The following FOXN3 variants were observed in gnomAD, a reference collection of about 807,000 sequenced individuals.
The protein encoded by FOXN3 is forkhead box N3.
Under a neutral mutation model 38.4 loss-of-function variants are expected in FOXN3, and 7 were observed. The ratio of observed to expected loss-of-function variants is 0.18; its 90% confidence interval spans 0.10 to 0.34. The LOEUF (loss-of-function observed/expected upper bound fraction) is 0.34, where lower values mean the gene tolerates loss of function less well. Ranked by LOEUF, FOXN3 falls within the 10% of genes least tolerant of loss-of-function variation. The pLI, the probability that FOXN3 is intolerant of heterozygous loss-of-function variation, is 1.00. For synonymous variants in FOXN3, 230 were observed against 242.2 expected (o/e 0.95, Z 0.47); for missense variants, 456 against 613.4 (o/e 0.74, Z 2.71).
At chr14:89,378,458 T>G (rs1381945846) in intron 2 of FOXN3, among the ~76,000 whole-genome samples, 2 of 152,190 alleles carry the variant, frequency 1.3e-5, no homozygotes, top group Non-Finnish European at 2.9e-5. Flanking sequence ...CGCCCAAGTC[T>G]GCCTGCTGTA....
At chr14:89,254,127 C>T (rs981034673) in intron 4 of FOXN3, among the ~76,000 whole-genome samples, 1 of 152,196 alleles carries the variant, frequency 6.6e-6, no homozygotes, top group African/African-American at 2.4e-5. Context: ...CTTAACACTT[C>T]AGTCTCCCCA....
chr14:89,384,475 ATGGG>A (rs1399451961), intron 2 of FOXN3, among the ~76,000 whole-genome samples: 1 of 152,178 alleles, frequency 6.6e-6, no homozygotes, highest in Non-Finnish European at 1.5e-5. Context: ...GCTACTTACT[ATGGG>A]CAGACACTAA....
intron 1 of FOXN3, among the ~76,000 whole-genome samples, chr14:89,607,667 G>A (rs1896301041): frequency 6.6e-6 from 1 of 151,996 alleles, no homozygotes; most frequent in African/African-American, 2.4e-5. Context: ...AGGATGACCA[G>A]GCTAACATAT....
At chr14:89,254,532 C>T (rs1885559387) in intron 4 of FOXN3, among the ~76,000 whole-genome samples, 1 of 152,182 alleles carries the variant, frequency 6.6e-6, no homozygotes, top group Non-Finnish European at 1.5e-5. Flanking sequence ...CCCGGGGATG[C>T]TCCATCTCCC....
intron 3 of FOXN3, among the ~76,000 whole-genome samples, chr14:89,334,999 C>A (rs1888400512): frequency 6.6e-6 from 1 of 151,668 alleles, no homozygotes; most frequent in South Asian, 2.1e-4. Context: ...ACTCCTGACC[C>A]CATGATCTGC....
intron 1 of FOXN3, among the ~76,000 whole-genome samples, chr14:89,492,930 C>T (rs1026168838): frequency 6.6e-6 from 1 of 152,214 alleles, no homozygotes. Flanking sequence ...TGTCCTGGCC[C>T]TCCACATGCG....
Position 89,411,922 on chromosome 14 carries a change from A to C in FOXN3, c.543+12T>G, listed in dbSNP as rs1421323294. On this transcript the variant is annotated intron_variant, in intron 2 of 5. Coordinates refer to ENST00000557258, the MANE Select transcript of FOXN3 (RefSeq NM_005197.4). ...AAAAAGAAAACCTTGGGTTCCAGAC[A>C]CAGAGGCTTACCTGACTCCTCTCTT... is the stretch of plus-strand genomic sequence containing the variant. 7.2e-7 allele frequency: 1 copy of C among 1,387,682 alleles called. No homozygotes were observed. The highest frequency in any genetic ancestry group is 2.1e-5 in the South Asian group (1 of 46,934). The allele number at this position is 1,387,682 out of a possible 1,614,324, so 86.0% of individuals were successfully genotyped here.
intron 1 of FOXN3, among the ~76,000 whole-genome samples, chr14:89,563,702 C>T (rs1238977885): frequency 6.6e-6 from 1 of 152,032 alleles, no homozygotes; most frequent in Non-Finnish European, 1.5e-5. Flanking sequence ...GTGTGAGGGA[C>T]ATTTGGGCAT....
chr14:89,497,835 G>T (rs1275332758), intron 1 of FOXN3, among the ~76,000 whole-genome samples: 3 of 152,098 alleles, frequency 2.0e-5, no homozygotes, highest in Non-Finnish European at 4.4e-5. Flanking sequence ...CACAGTAGTT[G>T]TACCACTTTA....
At chr14:89,303,507 A>C (rs1022872085) in intron 3 of FOXN3, among the ~76,000 whole-genome samples, 4 of 118,706 alleles carry the variant, frequency 3.4e-5, no homozygotes, top group Non-Finnish European at 6.0e-5. Context: ...AAAAAAAAAA[A>C]ACAAAAAAAA....
rs242776 is a variant in FOXN3 at position 89,615,921 on chromosome 14, T to A, written c.-15+3107A>T. Among the ~76,000 whole-genome samples the A allele has an allele frequency of 2.6e-5, 4 of 152,102 alleles. No homozygotes were observed. In the East Asian group the frequency reaches 7.7e-4, roughly 29 times the overall value. Reference sequence around the variant, plus strand: ...ATTAGTTGATGAAAATAAGGGAAATTTGCTGCTTTTTAAAAAGACCAAATT... The same window carrying A: ...ATTAGTTGATGAAAATAAGGGAAATATGCTGCTTTTTAAAAAGACCAAATT... On this transcript the variant is annotated intron_variant, in intron 1 of 6. Transcript: ENST00000345097.
intron 1 of FOXN3, among the ~76,000 whole-genome samples, chr14:89,601,740 T>A (rs1896158240): frequency 6.6e-6 from 1 of 151,872 alleles, no homozygotes; most frequent in Non-Finnish European, 1.5e-5. Flanking sequence ...GAAAAATGAG[T>A]GCAAGGTTTT....
chr14:89,455,977 C>T (rs923104692), intron 1 of FOXN3, among the ~76,000 whole-genome samples: 1 of 151,964 alleles, frequency 6.6e-6, no homozygotes, highest in Non-Finnish European at 1.5e-5. Flanking sequence ...GGGCAGATCA[C>T]GAGGTCAGGA....
rs4904562 is a variant in FOXN3 at position 89,389,900 on chromosome 14, C to T, written c.543+22034G>A. On this transcript the variant is annotated intron_variant, in intron 2 of 5. Transcript: ENST00000557258. Reference sequence around the variant, plus strand: ...AACTACAAAATGTCATAAAATAAATCCTTGTTTTTCACTTTTATAAACAAA... The same window carrying T: ...AACTACAAAATGTCATAAAATAAATTCTTGTTTTTCACTTTTATAAACAAA... Among the ~76,000 whole-genome samples, 348 of 152,132 alleles carry T rather than the reference C, an allele frequency of 2.3e-3. 8 individuals carry two copies. Among genetic ancestry groups the T allele is most frequent in the Admixed American group, 0.017 (267 of 15,266 alleles).
At chr14:89,173,276 C>G (rs1466534436) in intron 5 of FOXN3, among the ~76,000 whole-genome samples, 3 of 152,164 alleles carry the variant, frequency 2.0e-5, no homozygotes, top group Non-Finnish European at 4.4e-5. Flanking sequence ...ACGTACCTAC[C>G]AGATTGGTTG....
At chr14:89,290,577 T>C in intron 3 of FOXN3, 2 of 557,196 alleles carry the variant, frequency 3.6e-6, no homozygotes, top group South Asian at 2.9e-5. Flanking sequence ...CAGCTCAGTC[T>C]CTGAAATCAC....
At chr14:89,552,129 C>G (rs1895016413) in intron 1 of FOXN3, among the ~76,000 whole-genome samples, 1 of 152,170 alleles carries the variant, frequency 6.6e-6, no homozygotes, top group South Asian at 2.1e-4. Context: ...CAAAGAAAAG[C>G]GCACGGTTGC....
chr14:89,564,828 C>A lies in FOXN3; in HGVS notation c.-15+54200G>T, dbSNP rs560992045. Among the ~76,000 whole-genome samples, 3 of 152,248 alleles carry A rather than the reference C, an allele frequency of 2.0e-5. No homozygotes were observed. In the East Asian group the frequency reaches 5.8e-4, roughly 29 times the overall value. Reference sequence around the variant, plus strand: ...ATAAAAAAAGAAGATGGCAGTGGCTCATGCCTGTAATCCCAATACTTTAGG... The same window carrying A: ...ATAAAAAAAGAAGATGGCAGTGGCTAATGCCTGTAATCCCAATACTTTAGG... On this transcript the variant is annotated intron_variant, in intron 1 of 6. Coordinates refer to the FOXN3 transcript ENST00000345097.
intron 1 of FOXN3, among the ~76,000 whole-genome samples, chr14:89,602,326 C>T (rs1896168440): frequency 1.3e-5 from 2 of 151,328 alleles, no homozygotes; most frequent in Admixed American, 6.6e-5. Context: ...AGAAGAAAAC[C>T]TGAAGGAATA....
Sources: allele counts gnomAD v4.1 joint callset (sites outside exome capture counted in the v4.1 genomes callset), GRCh38; gene constraint gnomAD v4.1.1; transcripts MANE v1.5; gene names NCBI Gene and HGNC (gene_info 2026-07-23, HGNC 2026-07-21).